PLPPR1: variants seen among roughly 807,000 people sequenced by gnomAD.
The protein encoded by PLPPR1 is phospholipid phosphatase-related protein type 1.
In PLPPR1, 10 loss-of-function variants were observed where a neutral mutation model predicts 33.1. That is an observed-to-expected ratio of 0.30 (90% CI 0.19 to 0.51). The LOEUF is 0.51. PLPPR1 is among the 20% of genes least tolerant of loss of function. The pLI, the probability that PLPPR1 is intolerant of heterozygous loss-of-function variation, is 0.97. For synonymous variants in PLPPR1, 151 were observed against 151.0 expected, an observed-to-expected ratio of 1.00 and a Z score of 0.00; for missense variants, 304 against 408.1, an observed-to-expected ratio of 0.74 and a Z score of 2.20.
At chr9:101,229,659 G>A (rs1464182402) in intron 2 of PLPPR1, among the ~76,000 whole-genome samples, 2 of 151,660 alleles carry the variant, frequency 1.3e-5, no homozygotes, top group African/African-American at 4.9e-5. Context: ...AAAATGCTGT[G>A]TGCATTTGAA....
chr9:101,043,283 G>A (rs1830102029), intron 1 of PLPPR1, among the ~76,000 whole-genome samples: 1 of 151,354 alleles, frequency 6.6e-6, no homozygotes, highest in Non-Finnish European at 1.5e-5. Flanking sequence ...ATATATATGT[G>A]TGTGTGTGTA....
chr9:101,062,493 A>G (rs1830359586), intron 1 of PLPPR1, among the ~76,000 whole-genome samples: 1 of 151,988 alleles, frequency 6.6e-6, no homozygotes, highest in South Asian at 2.1e-4. Flanking sequence ...ATACTTAAAC[A>G]TAGCAAAAAA....
chr9:101,127,206 G>C (rs1588038845), intron 1 of PLPPR1, among the ~76,000 whole-genome samples: 1 of 152,206 alleles, frequency 6.6e-6, no homozygotes, highest in East Asian at 1.9e-4. Context: ...TTGACGATGT[G>C]TCCTCTGCTT....
intron 1 of PLPPR1, among the ~76,000 whole-genome samples, chr9:101,030,421 T>C: frequency 6.6e-6 from 1 of 151,002 alleles, no homozygotes; most frequent in Non-Finnish European, 1.5e-5. Context: ...GGTGGGACGC[T>C]AGTTTTGAGG....
intron 4 of PLPPR1, among the ~76,000 whole-genome samples, chr9:101,301,656 G>A (rs1431709248): frequency 6.6e-6 from 1 of 152,156 alleles, no homozygotes; most frequent in Non-Finnish European, 1.5e-5. Context: ...CCAAGGAACT[G>A]ATGTATTCAA....
At chr9:101,144,321 A>G (rs1361528936) in intron 1 of PLPPR1, among the ~76,000 whole-genome samples, 1 of 152,144 alleles carries the variant, frequency 6.6e-6, no homozygotes, top group Admixed American at 6.6e-5. Context: ...TAAATGACGA[A>G]TTAATGGGTG....
intron 1 of PLPPR1, among the ~76,000 whole-genome samples, chr9:101,182,069 T>A (rs993602775): frequency 6.6e-6 from 1 of 151,426 alleles, no homozygotes; most frequent in African/African-American, 2.4e-5. Flanking sequence ...TGGAATACTA[T>A]TTAGCCTTAA....
chr9:101,293,306 G>A (rs1210842607), intron 4 of PLPPR1, among the ~76,000 whole-genome samples: 1 of 151,748 alleles, frequency 6.6e-6, no homozygotes, highest in East Asian at 1.9e-4. Context: ...CATAAAGCAA[G>A]TCCTGAGTGA....
chr9:101,243,086 C>T (rs558636021), intron 2 of PLPPR1, among the ~76,000 whole-genome samples: 3 of 152,034 alleles, frequency 2.0e-5, no homozygotes, highest in South Asian at 4.1e-4. Flanking sequence ...TATTAATAGG[C>T]ACAGAGGTAT....
intron 1 of PLPPR1, among the ~76,000 whole-genome samples, chr9:101,093,666 G>A (rs971296533): frequency 6.6e-6 from 1 of 152,128 alleles, no homozygotes; most frequent in Non-Finnish European, 1.5e-5. Context: ...ACATGTAAGT[G>A]CATCACTACT....
chr9:101,101,586 T>C lies in PLPPR1; in HGVS notation c.-46+72484T>C, dbSNP rs12352775. On this transcript the variant is annotated intron_variant, in intron 1 of 7. Transcript: ENST00000374874. Reference sequence around the variant, plus strand: ...CATTATTGCTTTCCAAAATTTCTTATGAAACACTTTATGGAATATATGGTC... The same window carrying C: ...CATTATTGCTTTCCAAAATTTCTTACGAAACACTTTATGGAATATATGGTC... Among the ~76,000 whole-genome samples, 430 of 151,686 alleles carry C rather than the reference T, an allele frequency of 2.8e-3. 8 individuals carry two copies. The highest frequency in any genetic ancestry group is 0.01 in the Middle Eastern group (3 of 290).
intron 7 of PLPPR1, among the ~76,000 whole-genome samples, chr9:101,318,099 G>T (rs1829088174): frequency 6.6e-6 from 1 of 152,182 alleles, no homozygotes; most frequent in Admixed American, 6.5e-5. Context: ...TGGAGGCCAA[G>T]GTGGGAGGAT....
chr9:101,088,483 T>C (rs1830704476), intron 1 of PLPPR1, among the ~76,000 whole-genome samples: 1 of 152,118 alleles, frequency 6.6e-6, no homozygotes, highest in Non-Finnish European at 1.5e-5. Flanking sequence ...AGATAGGCCA[T>C]ATAGTAGGCA....
intron 1 of PLPPR1, among the ~76,000 whole-genome samples, chr9:101,080,339 A>G (rs1159267835): frequency 6.6e-6 from 1 of 151,984 alleles, no homozygotes; most frequent in Non-Finnish European, 1.5e-5. Flanking sequence ...CCCGGCTGAC[A>G]TGCAAAAGCC....
chr9:101,080,384 C>T (rs1830602704), intron 1 of PLPPR1, among the ~76,000 whole-genome samples: 1 of 152,038 alleles, frequency 6.6e-6, no homozygotes, highest in Non-Finnish European at 1.5e-5. Context: ...CATGGTAGCA[C>T]ATGCCTGTAG....
intron 2 of PLPPR1, among the ~76,000 whole-genome samples, chr9:101,238,875 C>T: frequency 6.6e-6 from 1 of 151,668 alleles, no homozygotes; most frequent in Non-Finnish European, 1.5e-5. Flanking sequence ...ATTAACCAAC[C>T]TCTCTTTATC....
At chr9:101,087,070 C>A (rs936188048) in intron 1 of PLPPR1, among the ~76,000 whole-genome samples, 2 of 151,808 alleles carry the variant, frequency 1.3e-5, no homozygotes, top group Non-Finnish European at 2.9e-5. Flanking sequence ...CCCAGCTACT[C>A]AGAAGGCTGA....
At chr9:101,078,971 T>C (rs918899643) in intron 1 of PLPPR1, among the ~76,000 whole-genome samples, 2 of 152,226 alleles carry the variant, frequency 1.3e-5, no homozygotes, top group African/African-American at 4.8e-5. Flanking sequence ...TACCCTTTCA[T>C]GTATGTTTTA....
intron 1 of PLPPR1, among the ~76,000 whole-genome samples, chr9:101,111,205 T>G (rs1363947111): frequency 6.6e-6 from 1 of 152,144 alleles, no homozygotes; most frequent in East Asian, 1.9e-4. Context: ...CTAAGTACTC[T>G]CTAAAGAACA....
Sources: allele counts gnomAD v4.1 joint callset (sites outside exome capture counted in the v4.1 genomes callset), GRCh38; gene constraint gnomAD v4.1.1; transcripts MANE v1.5; gene names NCBI Gene and HGNC (gene_info 2026-07-23, HGNC 2026-07-21).